The following ATG4C variants were observed in gnomAD, a reference collection of about 807,000 sequenced individuals.
ATG4C encodes autophagy related 4C cysteine peptidase.
ATG4C carries 56 observed loss-of-function variants against 57.6 expected under a neutral mutation model. The observed-to-expected ratio is 0.97, with a 90% CI of 0.78 to 1.21. The LOEUF (loss-of-function observed/expected upper bound fraction) is 1.21, where lower values mean the gene tolerates loss of function less well. ATG4C is among the 50% of genes most tolerant of loss of function. The pLI is 0.00. For missense variants in ATG4C, 595 were observed against 529.8 expected, an observed-to-expected ratio of 1.12 and a Z score of -1.21; for synonymous variants, 157 against 174.1, an observed-to-expected ratio of 0.90 and a Z score of 0.78.
intron 3 of ATG4C, among the ~76,000 whole-genome samples, chr1:62,805,459 C>T (rs550316981): frequency 6.6e-6 from 1 of 151,690 alleles, no homozygotes; most frequent in African/African-American, 2.4e-5. Context: ...TTGTTATATC[C>T]CCATAATTTT....
rs1419133765 is a variant in ATG4C, at chr1:62,864,068, C to T, written c.1286C>T (p.Thr429Ile). Reference sequence around the variant, plus strand: ...GGTCATTCCAGAGACTATGATTTTACATCTACTACAACCAATGAAGAAGAC... The same window carrying T: ...GGTCATTCCAGAGACTATGATTTTATATCTACTACAACCAATGAAGAAGAC... ...VNGHSRDYDF[T>I]STTTNEEDLF... Residue 429 changes from threonine (T) to isoleucine (I), a missense_variant, in exon 11 of 11, where the codon ACA (threonine) becomes ATA (isoleucine). Coordinates refer to ENST00000317868, the MANE Select transcript of ATG4C (RefSeq NM_032852.4). 6.2e-7 allele frequency: 1 copy of T among 1,603,142 alleles called. No individual in the cohort carries two copies. The highest frequency in any genetic ancestry group is 8.5e-7 in the Non-Finnish European group (1 of 1,174,584).
chr1:62,816,458 GA>G (rs1665273599), intron 3 of ATG4C, 116 bp from the exon 4 acceptor site: 5 of 691,504 alleles, frequency 7.2e-6, no homozygotes, highest in Non-Finnish European at 1.1e-5. Flanking sequence ...GATAAAATTA[GA>G]AAAAAAGGAT....
chr1:62,819,626 T>C (rs1300605661), intron 5 of ATG4C, among the ~76,000 whole-genome samples: 3 of 152,034 alleles, frequency 2.0e-5, no homozygotes, highest in Non-Finnish European at 2.9e-5. Flanking sequence ...CTCTAAACAC[T>C]AACATCTCTT....
intron 9 of ATG4C, chr1:62,835,393 T>C: frequency 2.8e-6 from 1 of 360,580 alleles, no homozygotes; most frequent in Non-Finnish European, 5.6e-6. Context: ...CAGGTCATTT[T>C]GTGATCCAGT....
chr1:62,821,471 T>C (rs1218420075), intron 6 of ATG4C, among the ~76,000 whole-genome samples: 4 of 152,072 alleles, frequency 2.6e-5, no homozygotes, highest in Non-Finnish European at 5.9e-5. Flanking sequence ...GGCAGGAAAA[T>C]TTAACATAGG....
intron 1 of ATG4C, among the ~76,000 whole-genome samples, chr1:62,786,574 G>T (rs913708890): frequency 2.0e-5 from 3 of 151,050 alleles, no homozygotes; most frequent in African/African-American, 7.3e-5. Flanking sequence ...AGAATAATTG[G>T]TGAGCCTTAT....
At chr1:62,794,268 G>A (rs1242315615) in intron 1 of ATG4C, among the ~76,000 whole-genome samples, 1 of 152,206 alleles carries the variant, frequency 6.6e-6, no homozygotes, top group African/African-American at 2.4e-5. Context: ...CCAGGTGTGA[G>A]GAACTTGGTA....
chr1:62,839,788 A>G (rs551068925), intron 9 of ATG4C, among the ~76,000 whole-genome samples: 20 of 152,290 alleles, frequency 1.3e-4, no homozygotes, highest in Non-Finnish European at 2.1e-4. Flanking sequence ...GAATCTCAGT[A>G]TATAAAGTAA....
chr1:62,813,988 T>C (rs1256219653), intron 3 of ATG4C, among the ~76,000 whole-genome samples: 1 of 152,120 alleles, frequency 6.6e-6, no homozygotes, highest in Non-Finnish European at 1.5e-5. Flanking sequence ...GTTTTTACAC[T>C]GTTGGTGGGA....
chr1:62,793,682 G>A (rs1266047968), intron 1 of ATG4C, among the ~76,000 whole-genome samples: 1 of 148,892 alleles, frequency 6.7e-6, no homozygotes, highest in East Asian at 2.0e-4. Flanking sequence ...AAAAGTATTA[G>A]TTATTAGATG....
chr1:62,822,484 T>C (rs909535941), intron 6 of ATG4C, among the ~76,000 whole-genome samples: 2 of 152,226 alleles, frequency 1.3e-5, no homozygotes, highest in African/African-American at 2.4e-5. Context: ...TGTATGAATT[T>C]ACCTTTTGTG....
intron 10 of ATG4C, among the ~76,000 whole-genome samples, chr1:62,857,581 C>G (rs1020997025): frequency 2.6e-5 from 4 of 152,160 alleles, no homozygotes; most frequent in African/African-American, 9.7e-5. Flanking sequence ...CCCCACCCCC[C>G]CAGTCCGTGG....
chr1:62,792,910 G>A (rs1203775574), intron 1 of ATG4C, among the ~76,000 whole-genome samples: 1 of 147,916 alleles, frequency 6.8e-6, no homozygotes, highest in Non-Finnish European at 1.5e-5. Context: ...TTTTGGAAAC[G>A]GAGTCCTGCT....
intron 6 of ATG4C, among the ~76,000 whole-genome samples, chr1:62,821,487 A>G (rs1398311829): frequency 6.6e-6 from 1 of 152,134 alleles, no homozygotes; most frequent in Non-Finnish European, 1.5e-5. Flanking sequence ...ATAGGTATAT[A>G]CTTGGGCTGC....
In ATG4C at chr1:62,805,229, GA is replaced by G; in HGVS notation, c.138del (p.Lys46AsnfsTer22). 1 of 1,513,170 alleles carries G rather than the reference GA, an allele frequency of 6.6e-7. No individual in the cohort carries two copies. The highest frequency in any genetic ancestry group is 2.4e-5 in the Admixed American group (1 of 40,866). 93.7% of individuals were successfully genotyped at this position (1,513,170 alleles called of 1,614,324 possible). On this transcript the variant is annotated frameshift_variant, in exon 3 of 11. Transcript: ENST00000317868. LOFTEE classifies it high-confidence loss of function. ...FSRNSPVLLL[G>X]KCYHFKYEDE... ...AGAAATTCTCCTGTATTATTGCTTG[GA>G]AAATGTTACCATTTTAAATATGAAG... is the stretch of plus-strand genomic sequence containing the variant.
At chr1:62,790,194 G>A (rs991222535) in intron 1 of ATG4C, among the ~76,000 whole-genome samples, 1 of 152,184 alleles carries the variant, frequency 6.6e-6, no homozygotes, top group Non-Finnish European at 1.5e-5. Context: ...GATTACAGGC[G>A]TGAGCCACTG....
intron 4 of ATG4C, 67 bp downstream of exon 4, chr1:62,816,875 A>G (rs74365100): frequency 0.01 from 12,461 of 1,229,150 alleles, 68 homozygotes; most frequent in Non-Finnish European, 0.011. Flanking sequence ...TTTCCATTTG[A>G]ATTCCAGCTT....
At chr1:62,809,543 A>G (rs1252316508) in intron 3 of ATG4C, among the ~76,000 whole-genome samples, 2 of 147,232 alleles carry the variant, frequency 1.4e-5, no homozygotes, top group African/African-American at 4.9e-5. Flanking sequence ...GTATAATTAT[A>G]TATCACTTAA....
rs542841173 is a variant in ATG4C, at chr1:62,833,274, T to G, written c.934-764T>G. ...TAGTGTTTTATAGGATATATCAAAA[T>G]TATTGCAGGAACTGTTGTTAAGACA... On this transcript the variant is annotated intron_variant, in intron 7 of 10. Coordinates refer to ENST00000317868, the MANE Select transcript of ATG4C (RefSeq NM_032852.4). 5.3e-5 allele frequency among the ~76,000 whole-genome samples: 8 copies of G among 152,288 alleles called. No individual in the cohort carries two copies. The South Asian group carries it at 1.7e-3, about 32-fold the overall frequency.
Sources: allele counts gnomAD v4.1 joint callset (sites outside exome capture counted in the v4.1 genomes callset), GRCh38; gene constraint gnomAD v4.1.1; transcripts MANE v1.5; gene names NCBI Gene and HGNC (gene_info 2026-07-23, HGNC 2026-07-21).